Variants in NUDT3 observed in about 807,000 individuals in gnomAD.
The protein encoded by NUDT3 is nudix hydrolase 3, also known as diphosphoinositol polyphosphate phosphohydrolase 1.
Under a neutral mutation model 23.6 loss-of-function variants are expected in NUDT3, and 9 were observed. That is an observed-to-expected ratio of 0.38 (90% CI 0.23 to 0.66). NUDT3 has a LOEUF of 0.66. Among genes scored for constraint, NUDT3 ranks in the 30% least tolerant of loss-of-function variants. The probability of loss-of-function intolerance (pLI) is 0.52; values close to 1 mark genes in which losing one functional copy is unlikely to be tolerated. For missense variants in NUDT3, 172 were observed against 218.5 expected, an observed-to-expected ratio of 0.79 and a Z score of 1.34; for synonymous variants, 86 against 82.6, an observed-to-expected ratio of 1.04 and a Z score of -0.22.
intron 2 of NUDT3, among the ~76,000 whole-genome samples, chr6:34,306,686 TTCTC>T (rs921774150): frequency 1.3e-5 from 2 of 152,350 alleles, no homozygotes; most frequent in Non-Finnish European, 1.5e-5. Flanking sequence ...CAGTACTATA[TTCTC>T]TCTAACAGGG....
intron 2 of NUDT3, among the ~76,000 whole-genome samples, chr6:34,314,267 A>C (rs982253700): frequency 1.3e-5 from 2 of 150,850 alleles, no homozygotes; most frequent in African/African-American, 2.4e-5. Flanking sequence ...TACTGAAAAT[A>C]TAAGGCCGGG....
chr6:34,290,705 T>C (rs1426824761), intron 4 of NUDT3, among the ~76,000 whole-genome samples: 1 of 148,824 alleles, frequency 6.7e-6, no homozygotes, highest in Non-Finnish European at 1.5e-5. Flanking sequence ...TTAAGACATT[T>C]ATGGCTGCAT....
chr6:34,337,489 ACTC>A (rs561758465), intron 2 of NUDT3, among the ~76,000 whole-genome samples: 2 of 152,226 alleles, frequency 1.3e-5, no homozygotes, highest in South Asian at 4.1e-4. Flanking sequence ...AGATTATTTT[ACTC>A]CTATTTCACA....
chr6:34,388,895 G>A (rs970066100), intron 1 of NUDT3, among the ~76,000 whole-genome samples: 7 of 152,096 alleles, frequency 4.6e-5, no homozygotes, highest in African/African-American at 1.2e-4. Flanking sequence ...TGATTCCTCG[G>A]CTCATTAGCC....
chr6:34,300,596 G>A (rs1763584137), intron 2 of NUDT3, among the ~76,000 whole-genome samples: 1 of 152,216 alleles, frequency 6.6e-6, no homozygotes, highest in South Asian at 2.1e-4. Flanking sequence ...GTCAAGTGGG[G>A]ATGTGAAAGC....
rs146086358 is a variant in NUDT3, at chr6:34,288,790, G to A, written c.482C>T (p.Ser161Leu). 2.9e-5 allele frequency: 46 copies of A among 1,613,392 alleles called. No individual in the cohort carries two copies. The highest frequency in any genetic ancestry group is 2.2e-5 in the South Asian group (2 of 90,972). The change falls in exon 5 of 5, where the codon TCG becomes TTG. Residue 161 changes from serine to leucine, a missense_variant. Coordinates refer to ENST00000607016, the MANE Select transcript of NUDT3 (RefSeq NM_006703.4). ...NGTPVVATTY[S>L]VSAQSSMSGI... is the part of the protein sequence containing the mutation. ...TGACATCGAGCTCTGAGCAGAAACC[G>A]AGTATGTGGTGGCCACGACTGGGGT...
intron 2 of NUDT3, among the ~76,000 whole-genome samples, chr6:34,332,929 T>C (rs1208160045): frequency 6.6e-6 from 1 of 152,202 alleles, no homozygotes; most frequent in Non-Finnish European, 1.5e-5. Flanking sequence ...TTTTCCCCTG[T>C]CAGACAAGAG....
intron 2 of NUDT3, among the ~76,000 whole-genome samples, chr6:34,300,040 G>A (rs1364200172): frequency 6.6e-6 from 1 of 151,932 alleles, no homozygotes; most frequent in Non-Finnish European, 1.5e-5. Flanking sequence ...TGAGCCACCT[G>A]CCCGGCCCTG....
rs1581842759 is a variant in NUDT3 at position 34,285,391 on chromosome 6, G to T, written c.*3362C>A. 6.6e-6 allele frequency: 1 copy of T among 152,124 alleles called. No homozygotes were observed. Among genetic ancestry groups the T allele is most frequent in the African/African-American group, 2.4e-5 (1 of 41,422 alleles). The allele number at this position is 152,124 out of a possible 1,614,324, so 9.4% of individuals were successfully genotyped here. A position where few individuals can be genotyped will look rare whatever the true frequency, so the allele number is the denominator to read the frequency against. The stretch of plus-strand genomic sequence containing the variant: ...ATGACCTTACTAGTGTTTCCCCAAT[G>T]ACTGTAATTTATAAACTAAAAATTT... On this transcript the variant is annotated 3_prime_UTR_variant, in exon 5 of 5. Coordinates refer to ENST00000607016, the MANE Select transcript of NUDT3 (RefSeq NM_006703.4).
chr6:34,392,222 C>G (rs781504014), intron 1 of NUDT3, 42 bp downstream of exon 1: 3 of 1,501,528 alleles, frequency 2.0e-6, no homozygotes, highest in Admixed American at 2.0e-5. Flanking sequence ...CCGAAGGGGC[C>G]GGAGACCCGG....
intron 2 of NUDT3, among the ~76,000 whole-genome samples, chr6:34,300,611 G>A (rs1295373500): frequency 6.6e-6 from 1 of 152,208 alleles, no homozygotes; most frequent in Non-Finnish European, 1.5e-5. Flanking sequence ...GAAAGCTGGA[G>A]CTGCTACCAT....
chr6:34,288,563 T>TA lies in NUDT3; in HGVS notation c.*189dup. ...TTACACACCCAACCCCCACCCTCAATAAAAACAGAAGAAAAAGCCCCATCA... is the reference window on the plus strand; with the variant it reads ...TTACACACCCAACCCCCACCCTCAATAAAAAACAGAAGAAAAAGCCCCATCA... On this transcript the variant is annotated 3_prime_UTR_variant, in exon 5 of 5. Coordinates refer to ENST00000607016, the MANE Select transcript of NUDT3 (RefSeq NM_006703.4). 1 of 749,426 alleles carries TA rather than the reference T, an allele frequency of 1.3e-6. No individual in the cohort carries two copies. Among genetic ancestry groups the TA allele is most frequent in the South Asian group, 2.1e-5 (1 of 47,514 alleles). The allele number at this position is 749,426 out of a possible 1,614,324, so 46.4% of individuals were successfully genotyped here.
chr6:34,337,010 T>C (rs972073441), intron 2 of NUDT3, among the ~76,000 whole-genome samples: 2 of 152,238 alleles, frequency 1.3e-5, no homozygotes, highest in South Asian at 2.1e-4. Flanking sequence ...ATTTCAAGTC[T>C]CCGATTTCAA....
intron 3 of NUDT3, 89 bp downstream of exon 3, chr6:34,295,551 TC>T: frequency 7.3e-7 from 1 of 1,365,588 alleles, no homozygotes; most frequent in Non-Finnish European, 1.0e-6. Flanking sequence ...AAAAAAAAAC[TC>T]GCTGAAACAG....
intron 2 of NUDT3, among the ~76,000 whole-genome samples, chr6:34,341,403 G>A (rs1189765730): frequency 2.0e-5 from 3 of 152,084 alleles, no homozygotes; most frequent in Non-Finnish European, 4.4e-5. Flanking sequence ...TCTCTCTCAA[G>A]TTGTACCATT....
In NUDT3 at chr6:34,351,226, A is replaced by AAAAAAAAAAAAAAAAAAAAAAAC. The variant is rs1554154786; in HGVS notation, c.100-9255_100-9254insGTTTTTTTTTTTTTTTTTTTTTT. 3.0e-5 allele frequency among the ~76,000 whole-genome samples: 4 copies of AAAAAAAAAAAAAAAAAAAAAAAC among 133,976 alleles called. 1 individual carries two copies. Among genetic ancestry groups the AAAAAAAAAAAAAAAAAAAAAAAC allele is most frequent in the African/African-American group, 1.3e-4 (4 of 32,000 alleles). The allele number at this position is 133,976 out of a possible 152,430, so 87.9% of individuals were successfully genotyped here. ...AAAAAAAAAAAAAAAAAAAAAAAAA[A>AAAAAAAAAAAAAAAAAAAAAAAC]CACTTTGGGAGGCCAAGATGGGAAG... On this transcript the variant is annotated intron_variant, in intron 1 of 4. Coordinates refer to ENST00000607016, the MANE Select transcript of NUDT3 (RefSeq NM_006703.4).
chr6:34,334,348 A>G (rs1274699781), intron 2 of NUDT3, among the ~76,000 whole-genome samples: 1 of 152,172 alleles, frequency 6.6e-6, no homozygotes, highest in Non-Finnish European at 1.5e-5. Context: ...AATGAGCAAG[A>G]AAAAATGGGA....
intron 1 of NUDT3, among the ~76,000 whole-genome samples, chr6:34,380,214 G>C (rs879397766): frequency 6.6e-6 from 1 of 151,956 alleles, no homozygotes; most frequent in African/African-American, 2.4e-5. Flanking sequence ...ACCACGCCCG[G>C]CTAATTTTTG....
chr6:34,373,697 C>T (rs1297121771), intron 1 of NUDT3, among the ~76,000 whole-genome samples: 3 of 152,176 alleles, frequency 2.0e-5, no homozygotes, highest in African/African-American at 7.2e-5. Context: ...ACAACACACA[C>T]GCACTGGTGC....
Sources: gnomAD v4.1 joint callset for allele counts (sites outside exome capture counted in the v4.1 genomes callset) on GRCh38, gnomAD v4.1.1 for gene constraint, MANE v1.5 for transcripts, NCBI Gene and HGNC (gene_info 2026-07-23, HGNC 2026-07-21) for gene names.